The following ANK2 variants were observed in gnomAD, a reference collection of about 807,000 sequenced individuals.
ANK2 encodes the protein ankyrin-2.
Under a neutral mutation model 360.5 loss-of-function variants are expected in ANK2, and 83 were observed. The ratio of observed to expected loss-of-function variants is 0.23; its 90% CI spans 0.19 to 0.28. The LOEUF is 0.28. ANK2 is among the 10% of genes least tolerant of loss of function. The pLI, the probability that ANK2 is intolerant of heterozygous loss-of-function variation, is 1.00. For synonymous variants in ANK2, 1,740 were observed against 1,759.5 expected (o/e 0.99, Z 0.28); for missense variants, 4,201 against 4,795.7 (o/e 0.88, Z 3.66).
chr4:112,740,850 C>T, the ANK2 span, among the ~76,000 whole-genome samples: 12 of 151,846 alleles, frequency 7.9e-5, no homozygotes, highest in Non-Finnish European at 1.2e-4. Flanking sequence ...ATGAGCCGGG[C>T]GTGGTCGTGG....
chr4:113,082,433 C>T (rs2082787866), intron 1 of ANK2, among the ~76,000 whole-genome samples: 1 of 152,088 alleles, frequency 6.6e-6, no homozygotes, highest in Non-Finnish European at 1.5e-5. Flanking sequence ...GCCACCTGGC[C>T]CAGCCAAGCA....
chr4:113,209,821 G>A (rs1203992676), intron 4 of ANK2, among the ~76,000 whole-genome samples: 2 of 152,090 alleles, frequency 1.3e-5, no homozygotes, highest in African/African-American at 4.8e-5. Context: ...GTAAGGAAGA[G>A]AAGCTTTGTT....
chr4:113,303,382 A>G (rs532560227), intron 23 of ANK2, among the ~76,000 whole-genome samples: 1 of 152,322 alleles, frequency 6.6e-6, no homozygotes, highest in Middle Eastern at 3.4e-3. Flanking sequence ...AGAAGAATGT[A>G]TTATTTAAGT....
intron 1 of ANK2, chr4:113,160,357 C>T: frequency 2.4e-6 from 1 of 418,584 alleles, no homozygotes; most frequent in Non-Finnish European, 4.7e-6. Flanking sequence ...TGAGTCACCA[C>T]ATCCAGCGGG....
At chr4:113,268,150 G>A (rs2056982254) in intron 14 of ANK2, among the ~76,000 whole-genome samples, 1 of 152,120 alleles carries the variant, frequency 6.6e-6, no homozygotes, top group South Asian at 2.1e-4. Flanking sequence ...GAGATTTTGG[G>A]CTGAGATGAT....
intron 4 of ANK2, among the ~76,000 whole-genome samples, chr4:113,218,144 C>CA (rs2099107649): frequency 6.9e-6 from 1 of 145,864 alleles, no homozygotes; most frequent in Admixed American, 7.0e-5. Context: ...CTATTTATAA[C>CA]CCCTTGTTCT....
At chr4:113,189,456 T>C (rs1321579524) in intron 2 of ANK2, among the ~76,000 whole-genome samples, 1 of 152,220 alleles carries the variant, frequency 6.6e-6, no homozygotes, top group Non-Finnish European at 1.5e-5. Context: ...TCTAGCACAA[T>C]GTTTAGCAAA....
chr4:112,904,283 G>A (rs2084461444), intron 1 of ANK2, among the ~76,000 whole-genome samples: 1 of 152,064 alleles, frequency 6.6e-6, no homozygotes, highest in East Asian at 1.9e-4. Flanking sequence ...CTCTTGAAAT[G>A]TTCAAATATT....
At chr4:112,973,579 T>G (rs961348340) in intron 2 of ANK2, among the ~76,000 whole-genome samples, 2 of 152,212 alleles carry the variant, frequency 1.3e-5, no homozygotes, top group African/African-American at 4.8e-5. Flanking sequence ...CTGGTAAGTG[T>G]TTTCTCAGAT....
intron 19 of ANK2, 98 bp from the exon 20 acceptor site, chr4:113,288,290 A>G: frequency 9.9e-7 from 1 of 1,005,626 alleles, no homozygotes; most frequent in South Asian, 1.4e-5. Flanking sequence ...TCCTATAATA[A>G]CTGATACTCT....
At chr4:113,362,297 C>G (rs2177690) in intron 39 of ANK2, among the ~76,000 whole-genome samples, 42,110 of 151,908 alleles carry the variant, frequency 0.28, 8,754 homozygotes, top group African/African-American at 0.59. Flanking sequence ...AGAATTGCTG[C>G]GGAAAAGATA....
intron 2 of ANK2, among the ~76,000 whole-genome samples, chr4:113,042,639 C>T (rs1006843094): frequency 6.6e-5 from 10 of 152,094 alleles, no homozygotes; most frequent in African/African-American, 2.4e-4. Flanking sequence ...ACTTTTAGGC[C>T]TAGGATGGAG....
intron 1 of ANK2, among the ~76,000 whole-genome samples, chr4:113,072,196 A>G (rs532084635): frequency 6.1e-4 from 93 of 152,272 alleles, no homozygotes; most frequent in Middle Eastern, 6.8e-3. Flanking sequence ...TTTTGCCATT[A>G]CCCTATAGAT....
At chr4:112,926,907 A>G (rs1322380828) in intron 2 of ANK2, among the ~76,000 whole-genome samples, 1 of 152,224 alleles carries the variant, frequency 6.6e-6, no homozygotes, top group African/African-American at 2.4e-5. Flanking sequence ...TATTAAGGAA[A>G]GAGGTTTAAT....
intron 4 of ANK2, among the ~76,000 whole-genome samples, chr4:113,210,803 G>A (rs1336218406): frequency 1.3e-5 from 2 of 152,122 alleles, no homozygotes; most frequent in African/African-American, 4.8e-5. Context: ...TCATGAGCAT[G>A]GGAAGGCTAT....
At chr4:112,907,662 A>AT (rs2085710335) in intron 2 of ANK2, among the ~76,000 whole-genome samples, 2 of 152,234 alleles carry the variant, frequency 1.3e-5, no homozygotes, top group South Asian at 4.1e-4. Context: ...TTTGAGGATA[A>AT]TTTTTTTCTT....
intron 2 of ANK2, among the ~76,000 whole-genome samples, chr4:112,910,086 T>A (rs2086601318): frequency 6.6e-6 from 1 of 152,204 alleles, no homozygotes; most frequent in Non-Finnish European, 1.5e-5. Context: ...CTTATATGAA[T>A]CACAGTGATC....
chr4:113,027,784 G>A (rs989488187), intron 2 of ANK2, among the ~76,000 whole-genome samples: 3 of 152,138 alleles, frequency 2.0e-5, no homozygotes, highest in Middle Eastern at 6.8e-3. Flanking sequence ...CTATCTATTT[G>A]TTGAAATTTT....
At chr4:112,779,019 G>T in the ANK2 span, among the ~76,000 whole-genome samples, 1 of 152,124 alleles carries the variant, frequency 6.6e-6, no homozygotes, top group Non-Finnish European at 1.5e-5. Context: ...TTGTCCCTGT[G>T]CAAGTTTACT....
Sources: allele counts gnomAD v4.1 joint callset (sites outside exome capture counted in the v4.1 genomes callset), GRCh38; gene constraint gnomAD v4.1.1; transcripts MANE v1.5; gene names NCBI Gene and HGNC (gene_info 2026-07-23, HGNC 2026-07-21).